The following DACH2 variants were observed in gnomAD, a reference collection of about 807,000 sequenced individuals.
DACH2 encodes the protein dachshund homolog 2.
A neutral mutation model predicts 35.8 loss-of-function variants in DACH2; 17 were observed. The ratio of observed to expected loss-of-function variants is 0.48; its 90% CI spans 0.33 to 0.71. The LOEUF is 0.71. Ranked by LOEUF, DACH2 falls within the 30% of genes least tolerant of loss-of-function variation. DACH2 has a pLI of 0.02. For missense variants in DACH2, 469 were observed against 472.7 expected (o/e 0.99, Z 0.07); for synonymous variants, 195 against 177.3 (o/e 1.10, Z -0.79).
intron 1 of DACH2, among the ~76,000 whole-genome samples, chrX:86,154,446 C>G (rs1461304771): frequency 9.0e-6 from 1 of 111,123 alleles, no homozygotes; most frequent in Non-Finnish European, 1.9e-5. Context: ...CTTTTCTTCC[C>G]TTTCACCATC....
rs192951750 is a variant in DACH2, at chrX:86,731,193, G to A, written c.1105-8554G>A. On this transcript the variant is annotated intron_variant, in intron 6 of 11. Coordinates refer to ENST00000373125, the MANE Select transcript of DACH2 (RefSeq NM_053281.3). Reference sequence around the variant, plus strand: ...CATCCAGTGATATGCCTAAAAACCAGCTCCCCAAAAACCAAACAAATCAAA... The same window carrying A: ...CATCCAGTGATATGCCTAAAAACCAACTCCCCAAAAACCAAACAAATCAAA... 1.1e-3 allele frequency among the ~76,000 whole-genome samples: 124 copies of A among 111,293 alleles called. 1 individual carries two copies. Among genetic ancestry groups the A allele is most frequent in the Middle Eastern group, 9.3e-3 (2 of 214 alleles).
intron 1 of DACH2, among the ~76,000 whole-genome samples, chrX:86,221,689 T>C (rs182760589): frequency 4.6e-3 from 515 of 112,196 alleles, no homozygotes; most frequent in Non-Finnish European, 6.2e-3. Flanking sequence ...TATATTCATG[T>C]TTAGTGACAT....
intron 1 of DACH2, among the ~76,000 whole-genome samples, chrX:86,319,900 T>C (rs1225388425): frequency 8.9e-6 from 1 of 111,752 alleles, no homozygotes; most frequent in Non-Finnish European, 1.9e-5. Flanking sequence ...ATAAGATTTT[T>C]CATTTGCTAA....
At chrX:86,383,506 T>G (rs2036077645) in intron 2 of DACH2, among the ~76,000 whole-genome samples, 1 of 103,803 alleles carries the variant, frequency 9.6e-6, no homozygotes, top group Non-Finnish European at 2.0e-5. Context: ...ACTTGTTATC[T>G]TTTATCAGAA....
chrX:86,764,433 T>C (rs1180341848), intron 7 of DACH2, among the ~76,000 whole-genome samples: 2 of 111,412 alleles, frequency 1.8e-5, no homozygotes, highest in African/African-American at 6.5e-5. Context: ...TTTATATTCA[T>C]GTGCATGCAG....
At chrX:86,517,275 T>C (rs1183766684) in intron 3 of DACH2, among the ~76,000 whole-genome samples, 2 of 111,943 alleles carry the variant, frequency 1.8e-5, no homozygotes, top group Non-Finnish European at 3.8e-5. Context: ...CATTGTGGTT[T>C]TGATTTACCA....
At chrX:86,592,362 A>T (rs1211516940) in intron 3 of DACH2, among the ~76,000 whole-genome samples, 7 of 111,540 alleles carry the variant, frequency 6.3e-5, no homozygotes. Flanking sequence ...AGTCTGTTTC[A>T]TTGATGTTTT....
chrX:86,396,026 C>T (rs1397085542), intron 2 of DACH2, among the ~76,000 whole-genome samples: 20 of 111,323 alleles, frequency 1.8e-4, no homozygotes, highest in South Asian at 3.8e-4. Context: ...TGTTCCTATT[C>T]GTCCACATCC....
At chrX:86,547,524 A>AACACACACACACACAC (rs751559427) in intron 3 of DACH2, among the ~76,000 whole-genome samples, 1 of 90,851 alleles carries the variant, frequency 1.1e-5, no homozygotes, top group Non-Finnish European at 2.2e-5. Context: ...CGTGCTGCAG[A>AACACACACACACACAC]ACACACACAC....
chrX:86,669,300 C>T (rs948572914), intron 4 of DACH2, among the ~76,000 whole-genome samples: 2 of 110,207 alleles, frequency 1.8e-5, no homozygotes, highest in African/African-American at 3.3e-5. Context: ...GTGGTGTTTC[C>T]GATTATACCT....
At chrX:86,348,872 C>T (rs1162245303) in intron 1 of DACH2, among the ~76,000 whole-genome samples, 1 of 112,429 alleles carries the variant, frequency 8.9e-6, no homozygotes, top group Non-Finnish European at 1.9e-5. Context: ...CTCATAACCC[C>T]TAGGGGGAGC....
At chrX:86,689,254 A>G (rs757175748) in intron 4 of DACH2, among the ~76,000 whole-genome samples, 1 of 101,491 alleles carries the variant, frequency 9.9e-6, no homozygotes, top group South Asian at 4.2e-4. Flanking sequence ...TGAATATTCT[A>G]TTTTCTGAAT....
At chrX:86,408,968 G>C (rs1406056268) in intron 2 of DACH2, among the ~76,000 whole-genome samples, 1 of 111,805 alleles carries the variant, frequency 8.9e-6, no homozygotes, top group Admixed American at 9.5e-5. Flanking sequence ...AACTACTCCA[G>C]AAAGTGAAAG....
At chrX:86,279,207 G>T (rs745950476) in intron 1 of DACH2, among the ~76,000 whole-genome samples, 2 of 112,096 alleles carry the variant, frequency 1.8e-5, no homozygotes, top group African/African-American at 6.5e-5. Flanking sequence ...AGGACAGACT[G>T]CCTCCTCAAG....
chrX:86,274,481 G>A lies in DACH2; in HGVS notation c.489-102343G>A, dbSNP rs1356702769. ...TTTTTTTTTCTTTTTTTTTTGAGAC[G>A]GAGTCTTTCTGTTTTTTTTTTTTTT... On this transcript the variant is annotated intron_variant, in intron 1 of 11. Coordinates refer to ENST00000373125, the MANE Select transcript of DACH2 (RefSeq NM_053281.3). Among the ~76,000 whole-genome samples, 3 of 18,906 alleles carry A rather than the reference G, an allele frequency of 1.6e-4. No homozygotes were observed. The East Asian group carries it at 6.9e-3, about 43-fold the overall frequency. The allele number at this position is 18,906 out of a possible 115,157, so 16.4% of individuals were successfully genotyped here. A position where few individuals can be genotyped will look rare whatever the true frequency, so the allele number is the denominator to read the frequency against.
At chrX:86,400,320 G>T (rs1160116401) in intron 2 of DACH2, among the ~76,000 whole-genome samples, 1 of 109,977 alleles carries the variant, frequency 9.1e-6, no homozygotes, top group African/African-American at 3.3e-5. Context: ...TTTTGCGATT[G>T]GTTCAAACTT....
At chrX:86,717,494 T>C (rs1374183105) in intron 6 of DACH2, among the ~76,000 whole-genome samples, 6 of 109,835 alleles carry the variant, frequency 5.5e-5, no homozygotes, top group Non-Finnish European at 1.1e-4. Flanking sequence ...TGTAGATAGA[T>C]AGATAGGAAC....
intron 2 of DACH2, among the ~76,000 whole-genome samples, chrX:86,496,908 C>G (rs1348287253): frequency 9.0e-6 from 1 of 111,488 alleles, no homozygotes; most frequent in African/African-American, 3.3e-5. Context: ...AGGGAGCCCC[C>G]AAGCTTTCTT....
At chrX:86,546,357 C>CTTCTTCTTCTTCTTCT (rs2038959347) in intron 3 of DACH2, among the ~76,000 whole-genome samples, 3 of 50,066 alleles carry the variant, frequency 6.0e-5, no homozygotes, top group East Asian at 7.4e-4. Context: ...CTTCTTCTTC[C>CTTCTTCTTCTTCTTCT]TCTTCTTCTT....
Sources: gnomAD v4.1 joint callset for allele counts (sites outside exome capture counted in the v4.1 genomes callset) on GRCh38, gnomAD v4.1.1 for gene constraint, MANE v1.5 for transcripts, NCBI Gene and HGNC (gene_info 2026-07-23, HGNC 2026-07-21) for gene names.